ANK2: variants seen among roughly 807,000 people sequenced by gnomAD.
ANK2 encodes the protein ankyrin 2, also known as ankyrin-2.
ANK2 carries 83 observed loss-of-function variants against 360.5 expected under a neutral mutation model. The observed-to-expected ratio is 0.23, with a 90% CI of 0.19 to 0.28. ANK2 has a LOEUF of 0.28. Among genes scored for constraint, ANK2 ranks in the 10% least tolerant of loss-of-function variants. The probability of loss-of-function intolerance (pLI) is 1.00; values close to 1 mark genes in which losing one functional copy is unlikely to be tolerated. For missense variants in ANK2, 4,201 were observed against 4,795.7 expected (o/e 0.88, Z 3.66); for synonymous variants, 1,740 against 1,759.5 (o/e 0.99, Z 0.28).
At chr4:113,352,958 A>G in intron 37 of ANK2, 87 bp from the exon 38 acceptor site, 1 of 1,482,178 alleles carries the variant, frequency 6.7e-7, no homozygotes, top group Non-Finnish European at 9.2e-7. Context: ...ACAGGAAAAG[A>G]CGCTGTGTCG....
At position 113,025,862 on chromosome 4, in the gene ANK2, T is replaced by C. The variant is rs551276734; in HGVS notation, c.21+121348T>C. ...AATGTGGAGGAATGGCTGCTATACC[T>C]GATAGCTATGTCACTTTAAGAAGTA... is the stretch of plus-strand genomic sequence containing the variant. On this transcript the variant is annotated intron_variant, in intron 2 of 30. Transcript: ENST00000503271. Among the ~76,000 whole-genome samples, 5 of 152,298 alleles carry C rather than the reference T, an allele frequency of 3.3e-5. No homozygotes were observed. The East Asian group carries it at 7.7e-4, about 24-fold the overall frequency.
intron 10 of ANK2, among the ~76,000 whole-genome samples, chr4:113,252,285 C>T (rs912413561): frequency 6.6e-6 from 1 of 152,172 alleles, no homozygotes; most frequent in African/African-American, 2.4e-5. Flanking sequence ...CCCACTGGGT[C>T]CCTCTCGCAA....
chr4:112,989,869 A>C (rs1251663432), intron 2 of ANK2, among the ~76,000 whole-genome samples: 1 of 152,248 alleles, frequency 6.6e-6, no homozygotes, highest in Non-Finnish European at 1.5e-5. Flanking sequence ...TCATGACGGT[A>C]TCCTTCCAAG....
At chr4:113,259,841 C>A (rs2153639534) in intron 13 of ANK2, among the ~76,000 whole-genome samples, 2 of 131,228 alleles carry the variant, frequency 1.5e-5, no homozygotes, top group Admixed American at 8.7e-5. Flanking sequence ...GAGACCTGAA[C>A]AGATTTACGT....
Position 113,355,461 on chromosome 4 carries a change from G to A in ANK2, c.6843G>A (p.Thr2281=), listed in dbSNP as rs548896674. 2.5e-5 allele frequency: 40 copies of A among 1,613,896 alleles called. 1 individual carries two copies. In the South Asian group the frequency reaches 3.3e-4, roughly 13 times the overall value. ...TEIRSEKEHP[T]TKDITGGSEE... Reference sequence around the variant, plus strand: ...TTCGTTCAGAAAAAGAGCATCCCACGACCAAAGACATTACTGGTGGCTCTG... The same window carrying A: ...TTCGTTCAGAAAAAGAGCATCCCACAACCAAAGACATTACTGGTGGCTCTG... Residue 2281 remains threonine, a synonymous_variant, in exon 38 of 46, where the codon ACG becomes ACA. Transcript: ENST00000357077.
chr4:113,354,286 C>G lies in ANK2; in HGVS notation c.5668C>G (p.His1890Asp). 1 of 1,614,106 alleles carries G rather than the reference C, an allele frequency of 6.2e-7. No homozygotes were observed. Among genetic ancestry groups the G allele is most frequent in the Non-Finnish European group, 8.5e-7 (1 of 1,179,994 alleles). Residue 1890 changes from histidine (H) to aspartate (D), a missense_variant, in exon 38 of 46, where the codon CAC becomes GAC. Transcript: ENST00000357077. ...ATCACCCTCGACAAAAACTGAAAGG[C>G]ACTCTCCTGTGTCATCTACAAAAAC... Reference protein sequence around the residue: ...PVSPSTKTERHSPVSSTKTER... With the variant: ...PVSPSTKTERDSPVSSTKTER...
chr4:113,185,963 G>A (rs950256728), intron 2 of ANK2, among the ~76,000 whole-genome samples: 1 of 152,164 alleles, frequency 6.6e-6, no homozygotes, highest in Non-Finnish European at 1.5e-5. Flanking sequence ...TATTAAATAG[G>A]GAAGGCACAG....
intron 9 of ANK2, 82 bp from the exon 10 acceptor site, chr4:113,249,682 A>C: frequency 1.6e-6 from 2 of 1,275,958 alleles, no homozygotes; most frequent in Non-Finnish European, 2.3e-6. Context: ...GAGTTTAGGA[A>C]CTCCCTCTTT....
At chr4:113,184,199 C>A (rs746601815) in intron 2 of ANK2, among the ~76,000 whole-genome samples, 1 of 151,424 alleles carries the variant, frequency 6.6e-6, no homozygotes, top group Non-Finnish European at 1.5e-5. Flanking sequence ...CCCATGCATT[C>A]TAAAGGATCA....
At chr4:112,945,872 A>T (rs1013834860) in intron 2 of ANK2, among the ~76,000 whole-genome samples, 1 of 152,160 alleles carries the variant, frequency 6.6e-6, no homozygotes, top group Non-Finnish European at 1.5e-5. Flanking sequence ...TGTTCCTCTG[A>T]CATCAAAGTG....
intron 1 of ANK2, among the ~76,000 whole-genome samples, chr4:112,819,928 CT>C (rs1228796971): frequency 6.6e-6 from 1 of 152,188 alleles, no homozygotes; most frequent in Non-Finnish European, 1.5e-5. Context: ...ACCACACCCC[CT>C]TTTTTGGCCA....
At chr4:113,290,884 A>T (rs2067205916) in intron 20 of ANK2, among the ~76,000 whole-genome samples, 2 of 152,198 alleles carry the variant, frequency 1.3e-5, no homozygotes, top group African/African-American at 4.8e-5. Context: ...ATTAAGAATC[A>T]ACCAAATGTT....
At chr4:112,759,995 A>C in the ANK2 span, among the ~76,000 whole-genome samples, 1 of 152,124 alleles carries the variant, frequency 6.6e-6, no homozygotes, top group Non-Finnish European at 1.5e-5. Flanking sequence ...ATAGATGTAG[A>C]AACTGAGATC....
At chr4:112,827,004 AAG>A (rs1045197573) in intron 1 of ANK2, 36 of 1,506,044 alleles carry the variant, frequency 2.4e-5, no homozygotes, top group Admixed American at 1.7e-5. Context: ...AGTTCTACAA[AAG>A]AGAATTTTAG....
At chr4:113,288,994 C>T (rs2153733451) in intron 20 of ANK2, among the ~76,000 whole-genome samples, 1 of 152,240 alleles carries the variant, frequency 6.6e-6, no homozygotes, top group East Asian at 1.9e-4. Context: ...CTGACTTGAT[C>T]CCAGCAGTTT....
intron 2 of ANK2, among the ~76,000 whole-genome samples, chr4:113,023,797 A>T (rs981845478): frequency 6.6e-6 from 1 of 152,238 alleles, no homozygotes. Flanking sequence ...TGGATGCTTC[A>T]TAAATAATTG....
upstream of ANK2, among the ~76,000 whole-genome samples, chr4:113,047,051 A>G (rs1346778991): frequency 6.6e-6 from 1 of 152,226 alleles, no homozygotes; most frequent in Non-Finnish European, 1.5e-5. Flanking sequence ...TCTCTCTCCT[A>G]TAGATCCAGT....
chr4:112,879,875 A>G (rs1451695203), intron 1 of ANK2, among the ~76,000 whole-genome samples: 2 of 152,168 alleles, frequency 1.3e-5, no homozygotes, highest in Admixed American at 6.5e-5. Flanking sequence ...GTCTCCAGCC[A>G]GGAGACATTA....
At chr4:113,345,502 A>T (rs902974163) in intron 34 of ANK2, among the ~76,000 whole-genome samples, 5 of 152,226 alleles carry the variant, frequency 3.3e-5, no homozygotes, top group East Asian at 3.9e-4. Flanking sequence ...AATATACAGC[A>T]TTAAACTATA....
Sources: gnomAD v4.1 joint callset for allele counts (sites outside exome capture counted in the v4.1 genomes callset) on GRCh38, gnomAD v4.1.1 for gene constraint, MANE v1.5 for transcripts, NCBI Gene and HGNC (gene_info 2026-07-23, HGNC 2026-07-21) for gene names.